Variants in TG observed in about 807,000 individuals in gnomAD.
The protein encoded by TG is thyroid hormones.
Under a neutral mutation model 324.7 loss-of-function variants are expected in TG, and 270 were observed. The observed-to-expected ratio is 0.83, with a 90% CI of 0.75 to 0.92. The LOEUF is 0.92. Ranked by LOEUF, TG falls within the 40% of genes least tolerant of loss-of-function variation. The pLI, the probability that TG is intolerant of heterozygous loss-of-function variation, is 0.00. For missense variants in TG, 3,591 were observed against 3,456.4 expected (o/e 1.04, Z -0.98); for synonymous variants, 1,401 against 1,327.0 (o/e 1.06, Z -1.21).
intron 34 of TG, among the ~76,000 whole-genome samples, chr8:132,981,376 C>A (rs1407210629): frequency 6.6e-6 from 1 of 152,188 alleles, no homozygotes; most frequent in Middle Eastern, 3.2e-3. Context: ...TTTCTAGGAG[C>A]AGAATTACTG....
At chr8:132,957,326 C>T (rs1192008590) in intron 27 of TG, among the ~76,000 whole-genome samples, 1 of 152,236 alleles carries the variant, frequency 6.6e-6, no homozygotes, top group East Asian at 1.9e-4. Context: ...CTTAAGACAG[C>T]ATATTTCCCA....
At chr8:132,967,541 G>A (rs1828805817) in intron 30 of TG, among the ~76,000 whole-genome samples, 1 of 152,116 alleles carries the variant, frequency 6.6e-6, no homozygotes, top group African/African-American at 2.4e-5. Context: ...CTCTTGTATT[G>A]CTGAGTTTGA....
chr8:132,872,948 T>C, intron 4 of TG, 114 bp from the exon 5 acceptor site: 1 of 1,156,066 alleles, frequency 8.7e-7, no homozygotes, highest in Non-Finnish European at 1.3e-6. Flanking sequence ...CGCCGAACGA[T>C]GCATTTCTCA....
chr8:132,948,825 T>C lies in TG; in HGVS notation c.5283T>C (p.Asn1761=). 2 of 1,614,010 alleles carry C rather than the reference T, an allele frequency of 1.2e-6. No homozygotes were observed. Among genetic ancestry groups the C allele is most frequent in the Non-Finnish European group, 8.5e-7 (1 of 1,180,030 alleles). ...LLSSPSVLLC[N]VKDWMDPSEA... is the part of the protein sequence containing the mutation. ...GCTCACCCAGTGTCCTGCTTTGTAA[T>C]GTCAAAGACTGGATGGATCCCTCTG... Residue 1761 remains asparagine, a synonymous_variant, in exon 27 of 48, where the codon AAT becomes AAC. Coordinates refer to ENST00000220616, the MANE Select transcript of TG (RefSeq NM_003235.5).
intron 26 of TG, among the ~76,000 whole-genome samples, chr8:132,945,887 G>A (rs1007056906): frequency 6.6e-6 from 1 of 152,176 alleles, no homozygotes; most frequent in Non-Finnish European, 1.5e-5. Context: ...GCTCACAGTG[G>A]TTGAGGTGGC....
chr8:133,077,415 T>C (rs1845062588), intron 41 of TG, among the ~76,000 whole-genome samples: 1 of 152,124 alleles, frequency 6.6e-6, no homozygotes, highest in East Asian at 1.9e-4. Context: ...ACTGAAGGGT[T>C]GCTGCTAACC....
In TG at chr8:133,011,901, T is replaced by C. The variant is rs1478933108; in HGVS notation, c.6263T>C (p.Val2088Ala). Residue 2088 changes from valine (V) to alanine (A), a missense_variant and splice_region_variant, in exon 36 of 48, where the codon GTG (valine) becomes GCG (alanine). Transcript: ENST00000220616. Reference protein sequence around the residue: ...LVVLPSLTEKVSLDSWQSLAL... With the variant: ...LVVLPSLTEKASLDSWQSLAL... ...GACTGTCCGTTGCCTTCTCTCCTAG[T>C]GTCTCTGGACTCGTGGCAGTCCCTG... is the stretch of plus-strand genomic sequence containing the variant. The C allele has an allele frequency of 1.2e-6, 2 of 1,614,204 alleles. No individual in the cohort carries two copies. Among genetic ancestry groups the C allele is most frequent in the Non-Finnish European group, 1.7e-6 (2 of 1,180,028 alleles).
intron 35 of TG, among the ~76,000 whole-genome samples, chr8:133,006,887 A>C (rs1276804296): frequency 6.6e-6 from 1 of 152,228 alleles, no homozygotes; most frequent in Non-Finnish European, 1.5e-5. Flanking sequence ...TGATTTGGCC[A>C]GTGGTTTTAA....
At chr8:132,872,256 A>G (rs930041422) in intron 4 of TG, among the ~76,000 whole-genome samples, 1 of 151,852 alleles carries the variant, frequency 6.6e-6, no homozygotes, top group Non-Finnish European at 1.5e-5. Context: ...AGGCGGGCGG[A>G]TCACGAGGTC....
At chr8:132,956,954 G>T (rs560825252) in intron 27 of TG, among the ~76,000 whole-genome samples, 1 of 152,102 alleles carries the variant, frequency 6.6e-6, no homozygotes, top group Non-Finnish European at 1.5e-5. Context: ...AGTCAAGGAC[G>T]ACCCAAGAGG....
intron 35 of TG, among the ~76,000 whole-genome samples, chr8:133,000,709 A>G (rs1372884678): frequency 6.6e-6 from 1 of 152,194 alleles, no homozygotes; most frequent in African/African-American, 2.4e-5. Context: ...CCATTTGACT[A>G]TGTGCATGCG....
At chr8:133,118,321 T>G in intron 45 of TG, among the ~76,000 whole-genome samples, 5 of 13,616 alleles carry the variant, frequency 3.7e-4, no homozygotes, top group Non-Finnish European at 1.0e-3. Flanking sequence ...AGATTCTTCC[T>G]TTTTTTTTTT....
chr8:133,095,100 G>A lies in TG; in HGVS notation c.7296G>A (p.Gln2432=), dbSNP rs913944081. The change falls in exon 42 of 48, where the codon CAG becomes CAA. Residue 2432 remains glutamine, a synonymous_variant. Coordinates refer to ENST00000220616, the MANE Select transcript of TG (RefSeq NM_003235.5). ...AVISHERAQQ[Q]AIALAKEVSC... is the part of the protein sequence containing the mutation. ...TCAGCCATGAGAGGGCTCAGCAGCA[G>A]GCAATTGCTTTGGCAAAGGAGGTCA... is the stretch of plus-strand genomic sequence containing the variant. The A allele has an allele frequency of 1.2e-6, 2 of 1,614,112 alleles. No homozygotes were observed. The highest frequency in any genetic ancestry group is 1.7e-6 in the Non-Finnish European group (2 of 1,180,050).
intron 41 of TG, chr8:133,060,122 C>A: frequency 1.2e-6 from 2 of 1,607,438 alleles, no homozygotes; most frequent in African/African-American, 2.7e-5. Context: ...GCAGGGGCCT[C>A]TCGGCAGGCG....
intron 24 of TG, 36 bp downstream of exon 24, chr8:132,933,712 A>G: frequency 6.3e-7 from 1 of 1,588,306 alleles, no homozygotes; most frequent in Non-Finnish European, 8.6e-7. Flanking sequence ...TCTGCTCCTC[A>G]TCCGCTGTGG....
intron 41 of TG, among the ~76,000 whole-genome samples, chr8:133,084,773 G>C (rs1334577871): frequency 6.6e-6 from 1 of 152,240 alleles, no homozygotes; most frequent in Non-Finnish European, 1.5e-5. Flanking sequence ...GCCTGGGAAG[G>C]CCTCCACACT....
chr8:132,908,472 A>G, intron 18 of TG, 132 bp downstream of exon 18: 1 of 622,848 alleles, frequency 1.6e-6, no homozygotes, highest in Non-Finnish European at 2.7e-6. Context: ...GCTGGAACTA[A>G]TAGTGAATTC....
chr8:132,868,046 T>C lies in TG; in HGVS notation c.68-69T>C. Reference sequence around the variant, plus strand: ...GACCCTGGAAAAGCATCTGTGCTTATGAGAGCCCGTCTCTGTCCTGGCAGC... The same window carrying C: ...GACCCTGGAAAAGCATCTGTGCTTACGAGAGCCCGTCTCTGTCCTGGCAGC... On this transcript the variant is annotated intron_variant, in intron 1 of 47. Coordinates refer to ENST00000220616, the MANE Select transcript of TG (RefSeq NM_003235.5). 3 of 1,400,856 alleles carry C rather than the reference T, an allele frequency of 2.1e-6. No individual in the cohort carries two copies. The Admixed American group carries it at 5.0e-5, about 24-fold the overall frequency. 86.8% of individuals were successfully genotyped at this position (1,400,856 alleles called of 1,614,324 possible). A position where few individuals can be genotyped will look rare whatever the true frequency, so the allele number is the denominator to read the frequency against.
chr8:132,977,282 G>C (rs1024264299), intron 34 of TG, among the ~76,000 whole-genome samples: 24 of 152,224 alleles, frequency 1.6e-4, no homozygotes, highest in African/African-American at 5.5e-4. Context: ...TTGCAGGATG[G>C]ATAGGATCCT....
Sources: allele counts gnomAD v4.1 joint callset (sites outside exome capture counted in the v4.1 genomes callset), GRCh38; gene constraint gnomAD v4.1.1; transcripts MANE v1.5; gene names NCBI Gene and HGNC (gene_info 2026-07-23, HGNC 2026-07-21).